The following STK32B variants were observed in gnomAD, a reference collection of about 807,000 sequenced individuals.
STK32B encodes the protein serine/threonine kinase 32B, also known as serine/threonine-protein kinase 32B.
Under a neutral mutation model 52.6 loss-of-function variants are expected in STK32B, and 43 were observed. The observed-to-expected ratio is 0.82, with a 90% CI of 0.64 to 1.05. The LOEUF is 1.05. Among genes scored for constraint, STK32B ranks in the 50% least tolerant of loss-of-function variants. The probability of loss-of-function intolerance (pLI) is 0.00; values close to 1 mark genes in which losing one functional copy is unlikely to be tolerated. For missense variants in STK32B, 621 were observed against 534.6 expected (o/e 1.16, Z -1.59); for synonymous variants, 238 against 204.3 (o/e 1.17, Z -1.41).
At chr4:5,306,209 T>C (rs927638782) in intron 3 of STK32B, among the ~76,000 whole-genome samples, 4 of 152,104 alleles carry the variant, frequency 2.6e-5, no homozygotes, top group Non-Finnish European at 5.9e-5. Context: ...CTGTAAATAT[T>C]TGTTAAGTCC....
Position 5,058,661 on chromosome 4 carries a change from C to G in STK32B, c.52+6746C>G, listed in dbSNP as rs993656276. On this transcript the variant is annotated intron_variant, in intron 1 of 11. Transcript: ENST00000282908. This position sits in a 1 kb window ranked among gnomAD's most constrained non-coding sequence, Gnocchi z 4.8. ...CACTGCAGCCTCAACCTCCCCGGCTCAAGCAATCCTCCTGTGTCAGCCTAC... is the reference window on the plus strand; with the variant it reads ...CACTGCAGCCTCAACCTCCCCGGCTGAAGCAATCCTCCTGTGTCAGCCTAC... Among the ~76,000 whole-genome samples, 1 of 152,188 alleles carries G rather than the reference C, an allele frequency of 6.6e-6. No homozygotes were observed. The highest frequency in any genetic ancestry group is 1.9e-4 in the East Asian group (1 of 5,200).
chr4:5,072,826 G>A (rs1336051515), intron 1 of STK32B, among the ~76,000 whole-genome samples: 1 of 152,010 alleles, frequency 6.6e-6, no homozygotes, highest in Non-Finnish European at 1.5e-5. Flanking sequence ...ACATCTTTAT[G>A]TATGATTGTG....
At chr4:5,281,718 G>A (rs968788915) in intron 3 of STK32B, among the ~76,000 whole-genome samples, 1 of 152,136 alleles carries the variant, frequency 6.6e-6, no homozygotes, top group East Asian at 1.9e-4. Context: ...TATTAACGCT[G>A]TAAAAAAGCA....
the STK32B span, among the ~76,000 whole-genome samples, chr4:5,037,196 C>G: frequency 6.6e-6 from 1 of 152,188 alleles, no homozygotes; most frequent in African/African-American, 2.4e-5. Context: ...TCACGCCATC[C>G]TAGTCACGAC....
chr4:5,069,898 T>C lies in STK32B; in HGVS notation c.52+17983T>C, dbSNP rs1416193390. Among the ~76,000 whole-genome samples, 3 of 152,164 alleles carry C rather than the reference T, an allele frequency of 2.0e-5. No individual in the cohort carries two copies. In the East Asian group the frequency reaches 5.8e-4, roughly 29 times the overall value. On this transcript the variant is annotated intron_variant, in intron 1 of 11. Transcript: ENST00000282908. ...CTCTCCGAGCCTCAGTTTCTTCTGC[T>C]GAAGAATGGGGATGCACTCTGACAT...
At chr4:5,160,194 G>A (rs1434562031) in intron 2 of STK32B, among the ~76,000 whole-genome samples, 1 of 152,144 alleles carries the variant, frequency 6.6e-6, no homozygotes. Flanking sequence ...CCGTTCCTGA[G>A]GCCCTTCTTG....
intron 11 of STK32B, among the ~76,000 whole-genome samples, chr4:5,487,458 A>G (rs756232613): frequency 1.3e-5 from 2 of 152,212 alleles, no homozygotes; most frequent in African/African-American, 2.4e-5. Context: ...AGTTTGTACA[A>G]TGATTTTGAA....
chr4:5,291,428 A>G (rs1302133735), intron 3 of STK32B, among the ~76,000 whole-genome samples: 1 of 152,112 alleles, frequency 6.6e-6, no homozygotes, highest in African/African-American at 2.4e-5. Context: ...TTTAAATAAA[A>G]TTGTTTTCTG....
chr4:5,210,193 C>A (rs1489173918), intron 3 of STK32B, among the ~76,000 whole-genome samples: 1 of 152,154 alleles, frequency 6.6e-6, no homozygotes, highest in Non-Finnish European at 1.5e-5. Flanking sequence ...CCTGTGTGTG[C>A]TACATGTCCT....
rs201682616 is a variant in STK32B, at chr4:5,371,002, A to G, written c.435-27205A>G. Among the ~76,000 whole-genome samples, 85 of 118,388 alleles carry G rather than the reference A, an allele frequency of 7.2e-4. 1 individual carries two copies. Among genetic ancestry groups the G allele is most frequent in the South Asian group, 4.8e-3 (19 of 3,976 alleles). 77.7% of individuals were successfully genotyped at this position (118,388 alleles called of 152,430 possible). A position where few individuals can be genotyped will look rare whatever the true frequency, so the allele number is the denominator to read the frequency against. On this transcript the variant is annotated intron_variant, in intron 4 of 11. Transcript: ENST00000282908. ...TATATATATGTGTGTGTGTGTATAT[A>G]TATATATATGTATATATATGTGTAT...
At chr4:5,277,963 G>C (rs1323446968) in intron 3 of STK32B, among the ~76,000 whole-genome samples, 1 of 152,204 alleles carries the variant, frequency 6.6e-6, no homozygotes, top group Non-Finnish European at 1.5e-5. Flanking sequence ...AAACGAAACT[G>C]TTTTTAATGC....
At chr4:5,439,224 G>C (rs1057183873) in intron 6 of STK32B, among the ~76,000 whole-genome samples, 6 of 150,798 alleles carry the variant, frequency 4.0e-5, no homozygotes, top group African/African-American at 1.5e-4. Flanking sequence ...CACCAACAGT[G>C]TGAAAGTGTT....
At chr4:5,433,589 G>C (rs1560406554) in intron 6 of STK32B, among the ~76,000 whole-genome samples, 2 of 152,156 alleles carry the variant, frequency 1.3e-5, no homozygotes, top group Non-Finnish European at 2.9e-5. Context: ...ATTTAAGGGA[G>C]GAAGGAAATT....
chr4:5,361,718 C>G (rs1008827678), intron 4 of STK32B, among the ~76,000 whole-genome samples: 11 of 152,128 alleles, frequency 7.2e-5, no homozygotes, highest in African/African-American at 2.7e-4. Context: ...GACTAGAATT[C>G]TATAATAAAG....
chr4:5,338,535 AATAG>A (rs771933739), intron 4 of STK32B, among the ~76,000 whole-genome samples: 8 of 152,184 alleles, frequency 5.3e-5, no homozygotes, highest in Non-Finnish European at 1.0e-4. Flanking sequence ...ACTAGAGTGC[AATAG>A]ATAGATGATC....
chr4:5,044,290 C>G, the STK32B span, among the ~76,000 whole-genome samples: 1 of 152,158 alleles, frequency 6.6e-6, no homozygotes, highest in Non-Finnish European at 1.5e-5. Context: ...TAAACATCAT[C>G]AATATGCTCA....
chr4:5,296,680 T>C (rs960712360), intron 3 of STK32B, among the ~76,000 whole-genome samples: 4 of 152,228 alleles, frequency 2.6e-5, no homozygotes, highest in African/African-American at 9.6e-5. Flanking sequence ...ATGGGTCTCC[T>C]GAATCCAGCA....
At chr4:5,211,993 C>T (rs1036847673) in intron 3 of STK32B, among the ~76,000 whole-genome samples, 5 of 152,070 alleles carry the variant, frequency 3.3e-5, no homozygotes, top group Admixed American at 6.5e-5. Context: ...AAACTGAAGC[C>T]GAGGGACTAA....
rs1416444418 is a variant in STK32B at position 5,421,993 on chromosome 4, G to GC, written c.562+5060dup. 4.6e-5 allele frequency among the ~76,000 whole-genome samples: 7 copies of GC among 152,292 alleles called. No individual in the cohort carries two copies. In the East Asian group the frequency reaches 1.4e-3, roughly 29 times the overall value. ...CACCAAGCTGCCTTTTTGACACTGA[G>GC]CTCCTGAATTATAAAGACGACTTTC... On this transcript the variant is annotated intron_variant, in intron 6 of 11. Transcript: ENST00000282908.
Sources: allele counts gnomAD v4.1 joint callset (sites outside exome capture counted in the v4.1 genomes callset), GRCh38; gene constraint gnomAD v4.1.1; non-coding constraint Gnocchi (gnomAD v3.1); transcripts MANE v1.5; gene names NCBI Gene and HGNC (gene_info 2026-07-23, HGNC 2026-07-21).